The following TSHR variants were observed in gnomAD, a reference collection of about 807,000 sequenced individuals.
TSHR encodes the protein thyroid stimulating hormone receptor.
A neutral mutation model predicts 64.1 loss-of-function variants in TSHR; 51 were observed. The ratio of observed to expected loss-of-function variants is 0.80; its 90% CI spans 0.64 to 1.01. TSHR has a LOEUF of 1.01. Ranked by LOEUF, TSHR falls within the 50% of genes least tolerant of loss-of-function variation. The probability of loss-of-function intolerance (pLI) is 0.00; values close to 1 mark genes in which losing one functional copy is unlikely to be tolerated. For missense variants in TSHR, 877 were observed against 942.8 expected (o/e 0.93, Z 0.91); for synonymous variants, 361 against 361.9 (o/e 1.00, Z 0.03).
At chr14:81,008,601 T>C (rs28750114) in intron 1 of TSHR, among the ~76,000 whole-genome samples, 16,179 of 152,254 alleles carry the variant, frequency 0.11, 2,800 homozygotes, top group African/African-American at 0.37. Context: ...AATATAAATA[T>C]GTAAAATAAG....
At chr14:81,104,224 T>A (rs1889753312) in intron 7 of TSHR, 13 of 985,330 alleles carry the variant, frequency 1.3e-5, no homozygotes, top group African/African-American at 1.7e-5. Flanking sequence ...GCAATCCAGC[T>A]TCTCTTTAAA....
chr14:81,114,857 A>G (rs560604655), intron 8 of TSHR, among the ~76,000 whole-genome samples: 1 of 152,342 alleles, frequency 6.6e-6, no homozygotes, highest in East Asian at 1.9e-4. Flanking sequence ...TGCCTCCTCA[A>G]GTGGGTCCCT....
intron 1 of TSHR, among the ~76,000 whole-genome samples, chr14:81,029,747 G>A (rs1851280692): frequency 6.6e-6 from 1 of 152,074 alleles, no homozygotes; most frequent in Non-Finnish European, 1.5e-5. Flanking sequence ...AGAAAAGAGG[G>A]TGAAATAATA....
intron 1 of TSHR, among the ~76,000 whole-genome samples, chr14:80,964,777 A>G (rs1301389382): frequency 6.6e-6 from 1 of 152,232 alleles, no homozygotes; most frequent in Non-Finnish European, 1.5e-5. Flanking sequence ...TTTTTATTAT[A>G]TTACAAACAA....
At chr14:80,980,975 C>G (rs1888137600) in intron 1 of TSHR, among the ~76,000 whole-genome samples, 1 of 151,748 alleles carries the variant, frequency 6.6e-6, no homozygotes, top group South Asian at 2.1e-4. Flanking sequence ...TCTTTTATGT[C>G]CTGAATTAGT....
At chr14:80,976,078 ATTT>A (rs1887857041) in intron 1 of TSHR, among the ~76,000 whole-genome samples, 1 of 152,008 alleles carries the variant, frequency 6.6e-6, no homozygotes, top group Non-Finnish European at 1.5e-5. Context: ...CGCCCGGCTA[ATTT>A]TTTGTATTTT....
chr14:80,991,790 C>T (rs1888735867), intron 1 of TSHR: 1 of 386,036 alleles, frequency 2.6e-6, no homozygotes, highest in Admixed American at 4.5e-5. Flanking sequence ...GGCAAAGTTG[C>T]CTTAAATGAA....
intron 1 of TSHR, among the ~76,000 whole-genome samples, chr14:80,969,519 T>A (rs567525796): frequency 6.6e-6 from 1 of 152,298 alleles, no homozygotes; most frequent in South Asian, 2.1e-4. Flanking sequence ...GCTGTTCTCT[T>A]TAAAGAAATG....
At chr14:81,027,162 A>G (rs1275194551) in intron 1 of TSHR, among the ~76,000 whole-genome samples, 2 of 152,164 alleles carry the variant, frequency 1.3e-5, no homozygotes, top group Non-Finnish European at 2.9e-5. Context: ...AAAAAAGACT[A>G]GAGTAGGAAA....
chr14:80,972,108 A>G (rs1015276685), intron 1 of TSHR, among the ~76,000 whole-genome samples: 7 of 152,226 alleles, frequency 4.6e-5, no homozygotes, highest in Admixed American at 1.3e-4. Context: ...TATAAGCTAT[A>G]ATTACAAAAC....
chr14:81,090,828 C>T (rs1473614874), intron 4 of TSHR, among the ~76,000 whole-genome samples: 1 of 152,142 alleles, frequency 6.6e-6, no homozygotes, highest in African/African-American at 2.4e-5. Flanking sequence ...GCATTCTAAG[C>T]CGAGCAGATG....
At chr14:80,980,729 G>A (rs112866930) in intron 1 of TSHR, among the ~76,000 whole-genome samples, 3 of 152,166 alleles carry the variant, frequency 2.0e-5, no homozygotes, top group African/African-American at 7.2e-5. Flanking sequence ...TTTCTCATGT[G>A]AGTCCTATTA....
chr14:81,109,198 A>C (rs773722923), intron 8 of TSHR, among the ~76,000 whole-genome samples: 3 of 152,136 alleles, frequency 2.0e-5, no homozygotes, highest in Non-Finnish European at 4.4e-5. Flanking sequence ...TCACGAGGTC[A>C]GGCGATCGAG....
chr14:81,062,055 C>A, intron 1 of TSHR, 93 bp from the exon 2 acceptor site: 4 of 1,129,558 alleles, frequency 3.5e-6, no homozygotes, highest in Non-Finnish European at 5.2e-6. Flanking sequence ...TGAAAACTGT[C>A]ATGCTTTTTA....
At chr14:81,107,990 A>C (rs144682076) in intron 7 of TSHR, among the ~76,000 whole-genome samples, 214 of 152,294 alleles carry the variant, frequency 1.4e-3, no homozygotes, top group African/African-American at 5.1e-3. Context: ...CCTAGTCTTC[A>C]AAGTTAAATT....
At chr14:81,017,489 G>A (rs1388790971) in intron 1 of TSHR, among the ~76,000 whole-genome samples, 1 of 152,086 alleles carries the variant, frequency 6.6e-6, no homozygotes, top group African/African-American at 2.4e-5. Flanking sequence ...AATCCGCCTG[G>A]CACTTCAGAG....
rs546072752 is a variant in TSHR at position 81,066,709 on chromosome 14, A to G, written c.243-1545A>G. ...TAAGAAGCTTTTGAAAAATAAAAGT[A>G]CTTGACTCATCCCTCATAAACTCTG... On this transcript the variant is annotated intron_variant, in intron 2 of 9. Transcript: ENST00000298171. 2.0e-5 allele frequency among the ~76,000 whole-genome samples: 3 copies of G among 152,276 alleles called. No homozygotes were observed. In the South Asian group the frequency reaches 6.2e-4, roughly 32 times the overall value.
chr14:80,973,750 C>T (rs1482621489), intron 1 of TSHR, among the ~76,000 whole-genome samples: 2 of 152,146 alleles, frequency 1.3e-5, no homozygotes, highest in Non-Finnish European at 2.9e-5. Context: ...ATAATATTGG[C>T]TTCTATGCCT....
chr14:81,117,398 C>T (rs1443023913), intron 8 of TSHR, among the ~76,000 whole-genome samples: 3 of 110,768 alleles, frequency 2.7e-5, no homozygotes, highest in Non-Finnish European at 5.2e-5. Context: ...GAGAATACTA[C>T]AAACACCTCT....
Sources: gnomAD v4.1 joint callset for allele counts (sites outside exome capture counted in the v4.1 genomes callset) on GRCh38, gnomAD v4.1.1 for gene constraint, MANE v1.5 for transcripts, NCBI Gene and HGNC (gene_info 2026-07-23, HGNC 2026-07-21) for gene names.